NAV1: variants seen among roughly 807,000 people sequenced by gnomAD.
The protein encoded by NAV1 is pore membrane and/or filament interacting like protein 3.
NAV1 carries 18 observed loss-of-function variants against 175.2 expected under a neutral mutation model. The observed-to-expected ratio is 0.10, with a 90% CI of 0.07 to 0.15. The LOEUF is 0.15. Ranked by LOEUF, NAV1 falls within the 10% of genes least tolerant of loss-of-function variation. NAV1 has a pLI of 1.00. For missense variants in NAV1, 1,731 were observed against 2,436.6 expected (o/e 0.71, Z 6.10); for synonymous variants, 897 against 978.7 (o/e 0.92, Z 1.56).
At chr1:201,603,415 G>A (rs193059617) in intron 2 of NAV1, among the ~76,000 whole-genome samples, 80 of 152,302 alleles carry the variant, frequency 5.3e-4, no homozygotes, top group Admixed American at 1.8e-3. Context: ...GTTGTTGTAC[G>A]TTTTCATCTG....
chr1:201,805,412 G>A (rs1678214613), intron 17 of NAV1, among the ~76,000 whole-genome samples: 1 of 152,192 alleles, frequency 6.6e-6, no homozygotes, highest in Non-Finnish European at 1.5e-5. Flanking sequence ...ATTGTGATGG[G>A]TAGAGAGGAA....
At position 201,731,387 on chromosome 1, in the gene NAV1, GAGA is replaced by G. The variant is rs546573579; in HGVS notation, c.1226+12633_1226+12635del. Among the ~76,000 whole-genome samples the G allele has an allele frequency of 4.5e-3, 681 of 152,234 alleles. 1 individual carries two copies. The highest frequency in any genetic ancestry group is 7.1e-3 in the Non-Finnish European group (482 of 68,014). On this transcript the variant is annotated intron_variant, in intron 3 of 29. Transcript: ENST00000367296. ...AACCAGACAGGCACAGAGAGTGTCT[GAGA>G]GGTGGAGGGACCCCTCCAGAGAAAC...
chr1:201,799,790 G>A (rs1677726897), intron 15 of NAV1, among the ~76,000 whole-genome samples: 1 of 151,452 alleles, frequency 6.6e-6, no homozygotes, highest in Non-Finnish European at 1.5e-5. Context: ...AACCTGGGAG[G>A]CAGAGGTTGC....
At chr1:201,821,869 G>A (rs1679404837) in exon 30 of NAV1, 1 of 152,166 alleles carries the variant, frequency 6.6e-6, no homozygotes, top group South Asian at 2.1e-4. Flanking sequence ...GACTCTGCAG[G>A]TCAAGGATAT....
intron 2 of NAV1, among the ~76,000 whole-genome samples, chr1:201,637,158 A>G (rs572720094): frequency 6.6e-6 from 1 of 152,354 alleles, no homozygotes; most frequent in African/African-American, 2.4e-5. Context: ...GTACCAACTG[A>G]GAAAATGAGT....
At chr1:201,654,556 C>A (rs1050555112) in intron 1 of NAV1, among the ~76,000 whole-genome samples, 2 of 152,100 alleles carry the variant, frequency 1.3e-5, no homozygotes, top group Non-Finnish European at 2.9e-5. Context: ...AGCTGCTCCA[C>A]GTGGTGCAAG....
At chr1:201,798,646 A>C (rs1202197231) in intron 15 of NAV1, 2 of 147,356 alleles carry the variant, frequency 1.4e-5, no homozygotes, top group Admixed American at 6.8e-5. Context: ...TTCCAATTTG[A>C]ATATGGACTA....
rs957767320 is a variant in NAV1 at position 201,804,978 on chromosome 1, A to T, written c.3648+481A>T. On this transcript the variant is annotated intron_variant, in intron 17 of 29. Coordinates refer to ENST00000367296, the Ensembl canonical transcript of NAV1. Reference sequence around the variant, plus strand: ...AGCTCTAGAGTAGGATGAACCAGAGATAGGTGAGGGATAGAGACCAGGAGG... The same window carrying T: ...AGCTCTAGAGTAGGATGAACCAGAGTTAGGTGAGGGATAGAGACCAGGAGG... 2.0e-5 allele frequency among the ~76,000 whole-genome samples: 3 copies of T among 152,146 alleles called. No individual in the cohort carries two copies. The East Asian group carries it at 5.8e-4, about 29-fold the overall frequency.
chr1:201,641,739 T>G (rs1668757203), intron 2 of NAV1, among the ~76,000 whole-genome samples: 1 of 152,168 alleles, frequency 6.6e-6, no homozygotes, highest in Non-Finnish European at 1.5e-5. Flanking sequence ...GGGCTAGGCT[T>G]GAAGAGCCAT....
At position 201,810,238 on chromosome 1, in the gene NAV1, G is replaced by A. The variant is rs1444878729; in HGVS notation, c.4561+133G>A. Reference sequence around the variant, plus strand: ...ATATGAAGATGCTTAAGTAATGTGAGATATAAAAAGATGAGTAAGACCCAG... The same window carrying A: ...ATATGAAGATGCTTAAGTAATGTGAAATATAAAAAGATGAGTAAGACCCAG... On this transcript the variant is annotated intron_variant, in intron 23 of 29. Transcript: ENST00000367296. This position sits in a 1 kb window ranked among gnomAD's most constrained non-coding sequence, Gnocchi z 6.0. The A allele has an allele frequency of 3.2e-6, 4 of 1,263,554 alleles. No homozygotes were observed. The highest frequency in any genetic ancestry group is 3.0e-5 in the African/African-American group (2 of 66,738). The allele number at this position is 1,263,554 out of a possible 1,614,324, so 78.3% of individuals were successfully genotyped here.
intron 5 of NAV1, 147 bp downstream of exon 9, chr1:201,781,456 C>A (rs900795871): frequency 2.6e-6 from 2 of 779,354 alleles, no homozygotes; most frequent in Non-Finnish European, 1.9e-6. Context: ...AGGACAGTCC[C>A]GTGAGTTAGG....
intron 2 of NAV1, among the ~76,000 whole-genome samples, chr1:201,629,934 C>G (rs1029016221): frequency 1.3e-5 from 2 of 152,158 alleles, no homozygotes; most frequent in Non-Finnish European, 2.9e-5. Context: ...CAGGCCACTC[C>G]CACACATGTC....
chr1:201,632,555 CAT>C (rs1239191694), intron 2 of NAV1, among the ~76,000 whole-genome samples: 1 of 152,252 alleles, frequency 6.6e-6, no homozygotes, highest in Non-Finnish European at 1.5e-5. Context: ...CGCGTGCCCA[CAT>C]GTGTGAGGCT....
chr1:201,720,580 G>A (rs1672340203), intron 3 of NAV1, among the ~76,000 whole-genome samples: 1 of 152,194 alleles, frequency 6.6e-6, no homozygotes, highest in South Asian at 2.1e-4. Context: ...TGAGGAAGGT[G>A]GCAGGACTTC....
At chr1:201,665,780 G>C (rs2819385) in intron 1 of NAV1, among the ~76,000 whole-genome samples, 1 of 151,698 alleles carries the variant, frequency 6.6e-6, no homozygotes, top group African/African-American at 2.4e-5. Flanking sequence ...CTCCCAGCCC[G>C]ACAGTAAACC....
At chr1:201,692,407 G>GT (rs1490508020) in intron 1 of NAV1, among the ~76,000 whole-genome samples, 1 of 152,168 alleles carries the variant, frequency 6.6e-6, no homozygotes, top group Non-Finnish European at 1.5e-5. Flanking sequence ...TTTTACTGTA[G>GT]TTTTTTCAAT....
At chr1:201,655,622 TC>T (rs1669374841) in intron 1 of NAV1, among the ~76,000 whole-genome samples, 1 of 152,194 alleles carries the variant, frequency 6.6e-6, no homozygotes, top group South Asian at 2.1e-4. Context: ...TCCCCCTTGT[TC>T]AATGAAGGCA....
intron 2 of NAV1, among the ~76,000 whole-genome samples, chr1:201,596,044 G>A (rs554489071): frequency 6.6e-6 from 1 of 152,234 alleles, no homozygotes; most frequent in Non-Finnish European, 1.5e-5. Flanking sequence ...CCCACGTCTT[G>A]ATTGTGTGAT....
rs529998079 is a variant in NAV1 at position 201,790,501 on chromosome 1, T to C, written c.3220-53T>C. The C allele has an allele frequency of 1.2e-4, 190 of 1,607,594 alleles. 3 individuals are homozygous for C. The South Asian group carries it at 1.9e-3, about 16-fold the overall frequency. The stretch of plus-strand genomic sequence containing the variant: ...CTGGGACCTGACTTCTTCACCTCCA[T>C]AGTAACTACTTCCTTTCTCTCTCTT... On this transcript the variant is annotated intron_variant, in intron 11 of 29. Coordinates refer to ENST00000367296, the Ensembl canonical transcript of NAV1.
Sources: allele counts gnomAD v4.1 joint callset (sites outside exome capture counted in the v4.1 genomes callset), GRCh38; gene constraint gnomAD v4.1.1; non-coding constraint Gnocchi (gnomAD v3.1); transcripts MANE v1.5; gene names NCBI Gene and HGNC (gene_info 2026-07-23, HGNC 2026-07-21).